TRNAU1AP: variants seen among roughly 807,000 people sequenced by gnomAD.
TRNAU1AP encodes the protein tRNA selenocysteine 1-associated protein 1.
TRNAU1AP carries 33 observed loss-of-function variants against 43.3 expected under a neutral mutation model. The ratio of observed to expected loss-of-function variants is 0.76; its 90% CI spans 0.58 to 1.02. The LOEUF is 1.02. Ranked by LOEUF, TRNAU1AP falls within the 50% of genes least tolerant of loss-of-function variation. The pLI is 0.00. For synonymous variants in TRNAU1AP, 143 were observed against 129.1 expected (o/e 1.11, Z -0.73); for missense variants, 290 against 362.7 (o/e 0.80, Z 1.63).
At chr1:28,574,077 CTTTTT>C (rs1178078009) in intron 8 of TRNAU1AP, among the ~76,000 whole-genome samples, 1 of 124,148 alleles carries the variant, frequency 8.1e-6, no homozygotes, top group Admixed American at 8.4e-5. Flanking sequence ...GACCCCATCT[CTTTTT>C]TTTTTTTTTT....
chr1:28,568,383 C>T (rs1665586294), intron 6 of TRNAU1AP, among the ~76,000 whole-genome samples: 1 of 152,120 alleles, frequency 6.6e-6, no homozygotes, highest in Admixed American at 6.6e-5. Flanking sequence ...GCTCGGGATC[C>T]TCCCATCTCA....
Position 28,577,594 on chromosome 1 carries a change from G to A in TRNAU1AP, c.822G>A (p.Gln274=). 3 of 1,614,202 alleles carry A rather than the reference G, an allele frequency of 1.9e-6. No individual in the cohort carries two copies. The highest frequency in any genetic ancestry group is 1.1e-5 in the South Asian group (1 of 91,084). Residue 274 remains glutamine (Q), a synonymous_variant, in exon 9 of 9, where the codon CAG becomes CAA. Transcript: ENST00000373830. ...ACGCTCTGATGGACTGTCACTGGCA[G>A]CCCCTGGACACAGTGTCTTCAGAGA... ...LYDALMDCHW[Q]PLDTVSSEIP...
chr1:28,558,325 G>A (rs1665322481), intron 2 of TRNAU1AP, among the ~76,000 whole-genome samples: 1 of 129,964 alleles, frequency 7.7e-6, no homozygotes, highest in South Asian at 2.5e-4. Flanking sequence ...AGCAATTCTT[G>A]TGCCTCAGCC....
At chr1:28,555,657 C>T (rs770712381) in intron 2 of TRNAU1AP, among the ~76,000 whole-genome samples, 1 of 151,828 alleles carries the variant, frequency 6.6e-6, no homozygotes, top group Non-Finnish European at 1.5e-5. Flanking sequence ...CTTGCTAAAA[C>T]ATCAAATGGT....
At chr1:28,558,489 G>A (rs1163272566) in intron 2 of TRNAU1AP, among the ~76,000 whole-genome samples, 2 of 151,146 alleles carry the variant, frequency 1.3e-5, no homozygotes, top group Non-Finnish European at 2.9e-5. Flanking sequence ...CGCCTCCCGC[G>A]TTCAGGCAAT....
At chr1:28,563,855 A>C (rs1356053988) in intron 4 of TRNAU1AP, among the ~76,000 whole-genome samples, 1 of 152,076 alleles carries the variant, frequency 6.6e-6, no homozygotes, top group Non-Finnish European at 1.5e-5. Flanking sequence ...CCATTTCAAC[A>C]AAAAGAAAAA....
chr1:28,564,659 G>C (rs757987624), intron 4 of TRNAU1AP, 44 bp from the exon 5 acceptor site: 2 of 1,591,834 alleles, frequency 1.3e-6, no homozygotes, highest in Non-Finnish European at 1.7e-6. Flanking sequence ...TCAGAGCAGA[G>C]GTTTTGGTCT....
chr1:28,574,134 G>A (rs1665723759), intron 8 of TRNAU1AP, among the ~76,000 whole-genome samples: 1 of 146,394 alleles, frequency 6.8e-6, no homozygotes, highest in Non-Finnish European at 1.5e-5. Context: ...AGGCTGGAGT[G>A]CAGTGGTGCA....
intron 4 of TRNAU1AP, 122 bp downstream of exon 4, chr1:28,561,520 C>T: frequency 9.2e-7 from 1 of 1,089,976 alleles, no homozygotes; most frequent in East Asian, 2.5e-5. Flanking sequence ...ACGCTCTTCT[C>T]CCTTCCTTGC....
At chr1:28,575,403 T>C (rs1398286824) in intron 8 of TRNAU1AP, among the ~76,000 whole-genome samples, 1 of 152,060 alleles carries the variant, frequency 6.6e-6, no homozygotes, top group Non-Finnish European at 1.5e-5. Flanking sequence ...TCCGCCCGCC[T>C]CTGCCTCCCA....
At chr1:28,562,651 G>C (rs1665437694) in intron 4 of TRNAU1AP, among the ~76,000 whole-genome samples, 2 of 150,592 alleles carry the variant, frequency 1.3e-5, no homozygotes, top group Admixed American at 1.3e-4. Flanking sequence ...CACGATCTCT[G>C]CTCACTGCAA....
intron 1 of TRNAU1AP, 186 bp from the exon 2 acceptor site, chr1:28,553,454 C>A: frequency 1.6e-6 from 1 of 636,830 alleles, no homozygotes. Context: ...CAAGGGGAGG[C>A]TCCCTAAAGC....
chr1:28,557,281 A>G lies in TRNAU1AP; in HGVS notation c.126-3352A>G, dbSNP rs965374770. ...AAAAATACAAGAAAATTAGCCAGGC[A>G]TGGTGGCGGGCGCCTGTAGTCCCAG... On this transcript the variant is annotated intron_variant, in intron 2 of 8. Transcript: ENST00000373830. 3.3e-5 allele frequency among the ~76,000 whole-genome samples: 5 copies of G among 151,332 alleles called. No individual in the cohort carries two copies. In the East Asian group the frequency reaches 8.3e-4, roughly 25 times the overall value.
chr1:28,558,062 ATTTTTTTTTTT>A (rs998976595), intron 2 of TRNAU1AP, among the ~76,000 whole-genome samples: 62 of 122,108 alleles, frequency 5.1e-4, no homozygotes, highest in African/African-American at 1.8e-3. Flanking sequence ...TGCCTGGCTA[ATTTTTTTTTTT>A]TTTTTTTTTT....
rs781411810 is a variant in TRNAU1AP, at chr1:28,567,155, A to G, written c.411-139A>G. On this transcript the variant is annotated intron_variant, in intron 5 of 8. Coordinates refer to ENST00000373830, the MANE Select transcript of TRNAU1AP (RefSeq NM_017846.5). ...GACTCTCCTTTCTTCCTCTAGTTTA[A>G]TGGACTCTCTCTTTCTCTTCTCAGC... The G allele has an allele frequency of 1.4e-5, 12 of 857,392 alleles. No homozygotes were observed. In the Admixed American group the frequency reaches 2.0e-4, roughly 15 times the overall value. 53.1% of individuals were successfully genotyped at this position (857,392 alleles called of 1,614,324 possible).
chr1:28,567,721 G>T (rs902919961), intron 6 of TRNAU1AP, among the ~76,000 whole-genome samples: 1 of 152,118 alleles, frequency 6.6e-6, no homozygotes, highest in Non-Finnish European at 1.5e-5. Flanking sequence ...TCTTTGCCCA[G>T]TAGTCCCATT....
intron 2 of TRNAU1AP, among the ~76,000 whole-genome samples, chr1:28,556,094 C>T (rs995722834): frequency 3.9e-5 from 6 of 152,128 alleles, no homozygotes; most frequent in East Asian, 3.9e-4. Flanking sequence ...CCTCGTGATC[C>T]GCCTGCCTTG....
At chr1:28,554,684 T>C (rs1215988709) in intron 2 of TRNAU1AP, among the ~76,000 whole-genome samples, 1 of 151,186 alleles carries the variant, frequency 6.6e-6, no homozygotes. Flanking sequence ...CTACTAAAAA[T>C]ACAAAAAAAA....
intron 6 of TRNAU1AP, 35 bp downstream of exon 6, chr1:28,567,448 C>G: frequency 1.3e-6 from 2 of 1,569,876 alleles, no homozygotes; most frequent in Non-Finnish European, 1.7e-6. Flanking sequence ...AGACTCTAGA[C>G]TCCCCTCCAG....
Sources: allele counts gnomAD v4.1 joint callset (sites outside exome capture counted in the v4.1 genomes callset), GRCh38; gene constraint gnomAD v4.1.1; transcripts MANE v1.5; gene names NCBI Gene and HGNC (gene_info 2026-07-23, HGNC 2026-07-21).